The following PCSK5 variants were observed in gnomAD, a reference collection of about 807,000 sequenced individuals.
PCSK5 encodes proprotein convertase subtilisin/kexin type 5, also known as prohormone convertase 5.
In PCSK5, 129 loss-of-function variants were observed where a neutral mutation model predicts 233.2. That is an observed-to-expected ratio of 0.55 (90% CI 0.48 to 0.64). PCSK5 has a LOEUF of 0.64. Ranked by LOEUF, PCSK5 falls within the 30% of genes least tolerant of loss-of-function variation. The probability of loss-of-function intolerance (pLI) is 0.00; values close to 1 mark genes in which losing one functional copy is unlikely to be tolerated. For synonymous variants in PCSK5, 825 were observed against 879.2 expected (o/e 0.94, Z 1.09); for missense variants, 2,076 against 2,430.1 (o/e 0.85, Z 3.06).
At chr9:76,047,221 C>T (rs61392278) in intron 5 of PCSK5, among the ~76,000 whole-genome samples, 3,015 of 151,774 alleles carry the variant, frequency 0.02, 106 homozygotes, top group African/African-American at 0.065. Context: ...CTCAGCCTCC[C>T]GAGTAGCTGG....
At position 76,269,976 on chromosome 9, in the gene PCSK5, T is replaced by C. The variant is rs561050973; in HGVS notation, c.3143-22257T>C. 2.6e-5 allele frequency among the ~76,000 whole-genome samples: 4 copies of C among 152,302 alleles called. No homozygotes were observed. In the East Asian group the frequency reaches 7.7e-4, roughly 29 times the overall value. The stretch of plus-strand genomic sequence containing the variant: ...AAGAAAACATCACTTCTTTAAAATA[T>C]GCCTGATGATGAATAGGCAGATTCT... On this transcript the variant is annotated intron_variant, in intron 24 of 37. Coordinates refer to ENST00000674117, the MANE Select transcript of PCSK5 (RefSeq NM_001372043.1).
At chr9:76,254,952 AT>A (rs1198630598) in intron 24 of PCSK5, among the ~76,000 whole-genome samples, 1 of 152,172 alleles carries the variant, frequency 6.6e-6, no homozygotes, top group East Asian at 1.9e-4. Context: ...AATGTTTCTA[AT>A]TTAATTAGTC....
chr9:76,035,769 C>T (rs1554676597), intron 5 of PCSK5, among the ~76,000 whole-genome samples: 2 of 152,108 alleles, frequency 1.3e-5, no homozygotes, highest in Non-Finnish European at 2.9e-5. Flanking sequence ...TCCCTTTTAA[C>T]CTTCTCTTGC....
chr9:76,096,485 T>A (rs1831519167), intron 8 of PCSK5, among the ~76,000 whole-genome samples: 1 of 152,198 alleles, frequency 6.6e-6, no homozygotes, highest in African/African-American at 2.4e-5. Context: ...GCTTTAGTGC[T>A]TGGTTTCTGA....
intron 24 of PCSK5, among the ~76,000 whole-genome samples, chr9:76,270,606 C>A (rs988120834): frequency 1.3e-5 from 2 of 152,090 alleles, no homozygotes; most frequent in Non-Finnish European, 2.9e-5. Flanking sequence ...ATGGAGAACT[C>A]TTAGTTGAAT....
chr9:76,275,840 T>C (rs544612278), intron 24 of PCSK5, among the ~76,000 whole-genome samples: 1 of 152,356 alleles, frequency 6.6e-6, no homozygotes, highest in South Asian at 2.1e-4. Context: ...ATTCTATCAT[T>C]CGCCACACTG....
chr9:75,890,198 A>G (rs1206170095), upstream of PCSK5, among the ~76,000 whole-genome samples: 1 of 152,210 alleles, frequency 6.6e-6, no homozygotes, highest in Admixed American at 6.5e-5. Flanking sequence ...CGGGAGCAGA[A>G]AGTGTAAAAT....
chr9:76,126,058 AAAAG>A (rs1201691244), intron 9 of PCSK5, among the ~76,000 whole-genome samples: 3 of 152,196 alleles, frequency 2.0e-5, no homozygotes, highest in Non-Finnish European at 4.4e-5. Context: ...GAGACAATGA[AAAAG>A]AAAGTTAAAA....
chr9:76,255,171 C>A (rs749416969), intron 24 of PCSK5, among the ~76,000 whole-genome samples: 1 of 152,000 alleles, frequency 6.6e-6, no homozygotes, highest in Non-Finnish European at 1.5e-5. Context: ...CCTGTAGTCC[C>A]AGCTACTAGG....
At chr9:76,352,052 G>T (rs1830181199) in intron 36 of PCSK5, among the ~76,000 whole-genome samples, 1 of 152,222 alleles carries the variant, frequency 6.6e-6, no homozygotes, top group Admixed American at 6.5e-5. Flanking sequence ...AATCCATAGA[G>T]TAAAGTGAAA....
At position 76,332,548 on chromosome 9, in the gene PCSK5, C is replaced by T; in HGVS notation, c.4686C>T (p.Cys1562=). ...RTCEGRHSRQ[C]HSCRPGWFQL... Reference sequence around the variant, plus strand: ...GTGAAGGGAGACACAGCAGGCAGTGCCACTCCTGCCGACCGGGCTGGTTCC... The same window carrying T: ...GTGAAGGGAGACACAGCAGGCAGTGTCACTCCTGCCGACCGGGCTGGTTCC... Residue 1562 remains cysteine, a synonymous_variant, in exon 34 of 38, where the codon TGC becomes TGT. Coordinates refer to ENST00000674117, the MANE Select transcript of PCSK5 (RefSeq NM_001372043.1). The T allele has an allele frequency of 5.6e-6, 9 of 1,612,038 alleles. No individual in the cohort carries two copies. Among genetic ancestry groups the T allele is most frequent in the Non-Finnish European group, 7.6e-6 (9 of 1,179,436 alleles).
At chr9:76,096,126 C>G (rs1831496326) in intron 8 of PCSK5, 24 bp downstream of exon 8, 3 of 1,521,368 alleles carry the variant, frequency 2.0e-6, no homozygotes, top group Non-Finnish European at 2.7e-6. Context: ...GCATGCCCAT[C>G]ATGATCTGTT....
chr9:76,260,958 C>A (rs1257821876), intron 24 of PCSK5, among the ~76,000 whole-genome samples: 2 of 152,070 alleles, frequency 1.3e-5, no homozygotes, highest in Non-Finnish European at 2.9e-5. Context: ...ATATCAATAA[C>A]CTCTTCCTGC....
At chr9:75,964,149 T>C (rs919055181) in intron 2 of PCSK5, among the ~76,000 whole-genome samples, 1 of 152,164 alleles carries the variant, frequency 6.6e-6, no homozygotes, top group Non-Finnish European at 1.5e-5. Flanking sequence ...CACTTTCTGC[T>C]GCATCGTTTT....
At chr9:75,984,207 T>G (rs1031467321) in intron 2 of PCSK5, among the ~76,000 whole-genome samples, 2 of 152,244 alleles carry the variant, frequency 1.3e-5, no homozygotes, top group African/African-American at 4.8e-5. Context: ...TCACTTGGTT[T>G]TCTCACATAC....
chr9:76,016,936 C>T (rs1362473611), intron 3 of PCSK5, among the ~76,000 whole-genome samples: 1 of 151,508 alleles, frequency 6.6e-6, no homozygotes, highest in Admixed American at 6.6e-5. Flanking sequence ...AGATCACAGC[C>T]TTCTTCTCCC....
intron 1 of PCSK5, among the ~76,000 whole-genome samples, chr9:75,904,271 CT>C (rs1826172858): frequency 6.6e-6 from 1 of 152,092 alleles, no homozygotes; most frequent in Non-Finnish European, 1.5e-5. Context: ...CACAGGTTTC[CT>C]TTGTCATAAA....
intron 33 of PCSK5, among the ~76,000 whole-genome samples, chr9:76,329,962 C>T (rs774189939): frequency 1.3e-5 from 2 of 152,004 alleles, no homozygotes; most frequent in African/African-American, 2.4e-5. Context: ...TTGTATCCTC[C>T]GAGAGTCACA....
chr9:76,057,433 G>C (rs1330537789), intron 5 of PCSK5, among the ~76,000 whole-genome samples: 1 of 152,044 alleles, frequency 6.6e-6, no homozygotes, highest in Non-Finnish European at 1.5e-5. Flanking sequence ...GAATGGGCTA[G>C]GGTGATTTAA....
Sources: gnomAD v4.1 joint callset for allele counts (sites outside exome capture counted in the v4.1 genomes callset) on GRCh38, gnomAD v4.1.1 for gene constraint, MANE v1.5 for transcripts, NCBI Gene and HGNC (gene_info 2026-07-23, HGNC 2026-07-21) for gene names.